ADAMTS10: variants seen among roughly 807,000 people sequenced by gnomAD.
ADAMTS10 encodes ADAM metallopeptidase with thrombospondin type 1 motif 10, also known as A disintegrin and metalloproteinase with thrombospondin motifs 10.
A neutral mutation model predicts 135.9 loss-of-function variants in ADAMTS10; 48 were observed. That is an observed-to-expected ratio of 0.35 (90% CI 0.28 to 0.45). The LOEUF (loss-of-function observed/expected upper bound fraction) is 0.45, where lower values mean the gene tolerates loss of function less well. Ranked by LOEUF, ADAMTS10 falls within the 20% of genes least tolerant of loss-of-function variation. The pLI, the probability that ADAMTS10 is intolerant of heterozygous loss-of-function variation, is 1.00. For synonymous variants in ADAMTS10, 621 were observed against 647.5 expected (o/e 0.96, Z 0.62); for missense variants, 1,131 against 1,565.2 (o/e 0.72, Z 4.68).
In ADAMTS10 at chr19:8,596,468, GCCCC is replaced by G; in HGVS notation, c.1085-60_1085-57del. The G allele has an allele frequency of 6.2e-7, 1 of 1,611,734 alleles. No homozygotes were observed. Among genetic ancestry groups the G allele is most frequent in the Non-Finnish European group, 8.5e-7 (1 of 1,178,770 alleles). On this transcript the variant is annotated intron_variant, in intron 9 of 25. Transcript: ENST00000597188. This position sits in a 1 kb window ranked among gnomAD's most constrained non-coding sequence, Gnocchi z 7.2. The stretch of plus-strand genomic sequence containing the variant: ...GGGAGGCTCAGGACGGTGCTGGCTG[GCCCC>G]ATCCACCTGCCAGGTCTCACCCCAG...
At chr19:8,590,069 T>G (rs1231287192) in intron 15 of ADAMTS10, 78 bp from the exon 16 acceptor site, 8 of 1,046,350 alleles carry the variant, frequency 7.6e-6, no homozygotes, top group Non-Finnish European at 1.0e-5. Context: ...CAGAGAAAGA[T>G]GGGCTGGAGG....
chr19:8,595,611 TCC>T, intron 12 of ADAMTS10, 149 bp downstream of exon 12: 1 of 1,239,826 alleles, frequency 8.1e-7, no homozygotes, highest in Non-Finnish European at 1.1e-6. Flanking sequence ...TGCACCTCTG[TCC>T]TCCCAGGTCA....
intron 6 of ADAMTS10, among the ~76,000 whole-genome samples, chr19:8,598,052 G>A (rs949444055): frequency 1.2e-4 from 18 of 152,068 alleles, no homozygotes; most frequent in Middle Eastern, 6.8e-3. Flanking sequence ...GACCTCAAGC[G>A]ATCCTCCTGT....
chr19:8,592,008 C>A lies in ADAMTS10; in HGVS notation c.1683G>T (p.Arg561=), dbSNP rs1213961893. Residue 561 remains arginine, a synonymous_variant, in exon 14 of 26, where the codon CGG becomes CGT. Transcript: ENST00000597188. The part of the protein sequence containing the change: ...GPWTPWGDCS[R]TCGGGVSSSS... ...AAGAGGACACGCCGCCGCCACAGGT[C>A]CGGCTGCAGTCGCCCCATGGAGTCC... is the stretch of plus-strand genomic sequence containing the variant. 6.2e-7 allele frequency: 1 copy of A among 1,613,624 alleles called. No homozygotes were observed. The highest frequency in any genetic ancestry group is 8.5e-7 in the Non-Finnish European group (1 of 1,179,858).
At chr19:8,588,011 G>A (rs2042462923) in intron 18 of ADAMTS10, among the ~76,000 whole-genome samples, 1 of 151,812 alleles carries the variant, frequency 6.6e-6, no homozygotes, top group Non-Finnish European at 1.5e-5. Flanking sequence ...CACTTTGGGA[G>A]GCTTAGGTGG....
chr19:8,587,333 C>CTTTTTTTTTTTTT lies in ADAMTS10; in HGVS notation c.2159-450_2159-438dup, dbSNP rs559435857. ...CACCACACCTGGCTAACTAAAAAAC[C>CTTTTTTTTTTTTT]TTTTTTTTTTTTTTTTTTTTTTTGT... is the stretch of plus-strand genomic sequence containing the variant. On this transcript the variant is annotated intron_variant, in intron 18 of 25. Coordinates refer to ENST00000597188, the MANE Select transcript of ADAMTS10 (RefSeq NM_030957.4). 1.8e-4 allele frequency among the ~76,000 whole-genome samples: 14 copies of CTTTTTTTTTTTTT among 77,468 alleles called. 2 individuals are homozygous for CTTTTTTTTTTTTT. Among genetic ancestry groups the CTTTTTTTTTTTTT allele is most frequent in the Non-Finnish European group, 2.2e-4 (10 of 44,600 alleles). The allele number at this position is 77,468 out of a possible 152,430, so 50.8% of individuals were successfully genotyped here.
intron 18 of ADAMTS10, among the ~76,000 whole-genome samples, chr19:8,588,967 T>A (rs1385490175): frequency 6.6e-6 from 1 of 152,030 alleles, no homozygotes; most frequent in Non-Finnish European, 1.5e-5. Context: ...AATTTTTGTA[T>A]TTTTAGTAGA....
chr19:8,586,070 A>C, intron 22 of ADAMTS10, 52 bp downstream of exon 22: 1 of 1,611,268 alleles, frequency 6.2e-7, no homozygotes, highest in Non-Finnish European at 8.5e-7. Context: ...TCTTGACTCC[A>C]GGGAGTACTC....
At chr19:8,609,926 T>C (rs982073014) in intron 1 of ADAMTS10, among the ~76,000 whole-genome samples, 1 of 148,954 alleles carries the variant, frequency 6.7e-6, no homozygotes, top group Non-Finnish European at 1.5e-5. Flanking sequence ...GACAAACACA[T>C]GGAGACACAC....
At position 8,589,908 on chromosome 19, in the gene ADAMTS10, C is replaced by T. The variant is rs782171689; in HGVS notation, c.1881G>A (p.Lys627=). 1 of 1,614,100 alleles carries T rather than the reference C, an allele frequency of 6.2e-7. No individual in the cohort carries two copies. The highest frequency in any genetic ancestry group is 2.2e-5 in the East Asian group (1 of 44,882). ...DSIPFRGKFY[K]WKTYRGGGVK... ...ACTCACCTCCCCGGTACGTTTTCCA[C>T]TTGTAGAATTTCCCACGGAAAGGGA... Residue 627 remains lysine (K), a synonymous_variant, in exon 16 of 26, where the codon AAG becomes AAA. Transcript: ENST00000597188.
In ADAMTS10 at chr19:8,605,522, TGA is replaced by T; in HGVS notation, c.88+99_88+100del. 1.4e-6 allele frequency: 2 copies of T among 1,456,490 alleles called. No individual in the cohort carries two copies. Among genetic ancestry groups the T allele is most frequent in the Non-Finnish European group, 1.9e-6 (2 of 1,067,736 alleles). The allele number at this position is 1,456,490 out of a possible 1,614,324, so 90.2% of individuals were successfully genotyped here. A position where few individuals can be genotyped will look rare whatever the true frequency, so the allele number is the denominator to read the frequency against. On this transcript the variant is annotated intron_variant, in intron 3 of 25. Transcript: ENST00000597188. This position sits in a 1 kb window ranked among gnomAD's most constrained non-coding sequence, Gnocchi z 7.7. ...TATTGACCCCAGGGCCTTCCCCCATTGACCCCCATCCCAGCCCCCTGATGCCT... is the reference window on the plus strand; with the variant it reads ...TATTGACCCCAGGGCCTTCCCCCATTCCCCCATCCCAGCCCCCTGATGCCT...
In ADAMTS10 at chr19:8,580,980, G is replaced by A; in HGVS notation, c.3225C>T (p.Val1075=). The A allele has an allele frequency of 1.2e-6, 2 of 1,613,554 alleles. No homozygotes were observed. ...GPEECKDVNK[V]AYCPLVLKFQ... Reference sequence around the variant, plus strand: ...ATTTGAGCACCAGGGGGCAGTAGGCGACCTTGTTCACATCCTTGCACTCTG... The same window carrying A: ...ATTTGAGCACCAGGGGGCAGTAGGCAACCTTGTTCACATCCTTGCACTCTG... The change falls in exon 26 of 26, where the codon GTC becomes GTT. Residue 1075 remains valine, a synonymous_variant. Transcript: ENST00000597188.
chr19:8,607,359 C>T (rs538338847), intron 2 of ADAMTS10, among the ~76,000 whole-genome samples: 1 of 152,290 alleles, frequency 6.6e-6, no homozygotes, highest in South Asian at 2.1e-4. Context: ...CTCCTCCACC[C>T]TGTGTTTCTG....
Position 8,601,391 on chromosome 19 carries a change from T to C in ADAMTS10, c.593-246A>G, listed in dbSNP as rs1334441011. ...TTTTTTTTTTTTTTGAGACGGAGTA[T>C]CATTCTGTCACCCAGGCTGGACTGC... is the stretch of plus-strand genomic sequence containing the variant. On this transcript the variant is annotated intron_variant, in intron 5 of 25. Transcript: ENST00000597188. This position sits in a 1 kb window ranked among gnomAD's most constrained non-coding sequence, Gnocchi z 4.6. 2.7e-5 allele frequency among the ~76,000 whole-genome samples: 4 copies of C among 149,024 alleles called. No individual in the cohort carries two copies. The highest frequency in any genetic ancestry group is 1.0e-4 in the African/African-American group (4 of 40,188).
At chr19:8,590,460 T>C in intron 15 of ADAMTS10, among the ~76,000 whole-genome samples, 1 of 150,802 alleles carries the variant, frequency 6.6e-6, no homozygotes, top group Non-Finnish European at 1.5e-5. Context: ...TATTTATTTA[T>C]TTATTTATTT....
At chr19:8,609,877 C>T (rs1312658050) in intron 1 of ADAMTS10, among the ~76,000 whole-genome samples, 1 of 152,034 alleles carries the variant, frequency 6.6e-6, no homozygotes, top group Non-Finnish European at 1.5e-5. Flanking sequence ...ACCGCAGACA[C>T]ACACGCCGAC....
chr19:8,593,540 CTCTT>C (rs2042569050), intron 12 of ADAMTS10: 1 of 152,516 alleles, frequency 6.6e-6, no homozygotes, highest in Admixed American at 6.5e-5. Flanking sequence ...GGACATGCCT[CTCTT>C]TCTCCAGGTG....
chr19:8,602,636 T>A (rs1555741757), intron 5 of ADAMTS10, among the ~76,000 whole-genome samples: 1 of 152,088 alleles, frequency 6.6e-6, no homozygotes, highest in East Asian at 1.9e-4. Flanking sequence ...TTTCTATATA[T>A]ATATTTTGAA....
chr19:8,596,414 TG>T lies in ADAMTS10; in HGVS notation c.1085-3del. The T allele has an allele frequency of 3.7e-6, 6 of 1,613,718 alleles. No individual in the cohort carries two copies. Among genetic ancestry groups the T allele is most frequent in the Non-Finnish European group, 5.1e-6 (6 of 1,179,874 alleles). On this transcript the variant is annotated splice_polypyrimidine_tract_variant and splice_region_variant and intron_variant, in intron 9 of 25. Transcript: ENST00000597188. This position sits in a 1 kb window ranked among gnomAD's most constrained non-coding sequence, Gnocchi z 7.2. ...ACATTCCGCCCACCGGGGCCAGGCC[TG>T]GGAAGACGGACATGTGGGGATGGGG... is the stretch of plus-strand genomic sequence containing the variant.
Sources: allele counts gnomAD v4.1 joint callset (sites outside exome capture counted in the v4.1 genomes callset), GRCh38; gene constraint gnomAD v4.1.1; non-coding constraint Gnocchi (gnomAD v3.1); transcripts MANE v1.5; gene names NCBI Gene and HGNC (gene_info 2026-07-23, HGNC 2026-07-21).